The following PPP2R2C variants were observed in gnomAD, a reference collection of about 807,000 sequenced individuals.
PPP2R2C encodes protein phosphatase 2 regulatory subunit Bgamma.
In PPP2R2C, 10 loss-of-function variants were observed where a neutral mutation model predicts 45.3. The observed-to-expected ratio is 0.22, with a 90% CI of 0.14 to 0.37. The LOEUF (loss-of-function observed/expected upper bound fraction) is 0.37, where lower values mean the gene tolerates loss of function less well. Ranked by LOEUF, PPP2R2C falls within the 10% of genes least tolerant of loss-of-function variation. The pLI, the probability that PPP2R2C is intolerant of heterozygous loss-of-function variation, is 1.00. For missense variants in PPP2R2C, 308 were observed against 619.7 expected, an observed-to-expected ratio of 0.50 and a Z score of 5.34; for synonymous variants, 257 against 245.4, an observed-to-expected ratio of 1.05 and a Z score of -0.44.
chr4:6,507,796 A>G (rs983878861), intron 2 of PPP2R2C, among the ~76,000 whole-genome samples: 2 of 152,246 alleles, frequency 1.3e-5, no homozygotes, highest in African/African-American at 4.8e-5. Context: ...TCATGTCTTC[A>G]CTAAACCAGT....
chr4:6,346,891 C>G (rs1219561765), intron 6 of PPP2R2C, among the ~76,000 whole-genome samples: 1 of 152,214 alleles, frequency 6.6e-6, no homozygotes, highest in Non-Finnish European at 1.5e-5. Context: ...TTTCCAGACA[C>G]TGTGGTAGGT....
intron 1 of PPP2R2C, chr4:6,383,499 G>A (rs1716004699): frequency 8.7e-7 from 1 of 1,150,630 alleles, no homozygotes; most frequent in Non-Finnish European, 1.2e-6. Flanking sequence ...GCCACCTGCT[G>A]TCCCAAGACC....
At chr4:6,427,059 G>A (rs996975640) in intron 1 of PPP2R2C, among the ~76,000 whole-genome samples, 4 of 152,212 alleles carry the variant, frequency 2.6e-5, no homozygotes, top group Admixed American at 2.6e-4. Context: ...CCCAAGAAGA[G>A]AATATCTGAC....
chr4:6,429,972 A>C (rs1719530237), intron 1 of PPP2R2C, among the ~76,000 whole-genome samples: 1 of 152,084 alleles, frequency 6.6e-6, no homozygotes, highest in South Asian at 2.1e-4. Flanking sequence ...ACCTTGCCCA[A>C]CGTCACACAG....
intron 1 of PPP2R2C, among the ~76,000 whole-genome samples, chr4:6,405,111 G>C (rs115654997): frequency 1.3e-5 from 2 of 152,228 alleles, no homozygotes; most frequent in Non-Finnish European, 2.9e-5. Flanking sequence ...CCCTGTGCCC[G>C]ACAGTGTGTG....
At chr4:6,413,907 G>C (rs962564555) in intron 1 of PPP2R2C, 19 of 1,536,060 alleles carry the variant, frequency 1.2e-5, no homozygotes, top group Non-Finnish European at 1.7e-5. Flanking sequence ...GCTCACCCGT[G>C]TCTCTCTTTC....
At chr4:6,473,363 A>G (rs375517508), upstream of PPP2R2C, among the ~76,000 whole-genome samples, 37 of 152,040 alleles carry the variant, frequency 2.4e-4, 1 homozygote, top group African/African-American at 8.4e-4. Context: ...CCTGGCACAT[A>G]GTGGGCCCTC....
intron 5 of PPP2R2C, among the ~76,000 whole-genome samples, chr4:6,363,138 A>G (rs1560481975): frequency 1.3e-5 from 2 of 152,146 alleles, no homozygotes; most frequent in South Asian, 4.1e-4. Flanking sequence ...GGCACGCAGG[A>G]AGCCCTCAGT....
intron 5 of PPP2R2C, among the ~76,000 whole-genome samples, chr4:6,355,104 G>A (rs1243834803): frequency 6.6e-6 from 1 of 152,222 alleles, no homozygotes; most frequent in Non-Finnish European, 1.5e-5. Context: ...TGGCCTGTTT[G>A]TTGCTATCTG....
In PPP2R2C at chr4:6,466,851, C is replaced by T. The variant is rs138073579; in HGVS notation, c.70+5309G>A. ...TGAGAAAAACCGTGCTCTGTGACTG[C>T]GCCAAGCTTTAAGTTCGGGTTGATT... On this transcript the variant is annotated intron_variant, in intron 1 of 8. Transcript: ENST00000382599. Among the ~76,000 whole-genome samples the T allele has an allele frequency of 1.2e-4, 19 of 152,286 alleles. No homozygotes were observed. In the East Asian group the frequency reaches 2.7e-3, roughly 22 times the overall value.
At chr4:6,503,751 C>T (rs1723132220) in intron 2 of PPP2R2C, among the ~76,000 whole-genome samples, 1 of 148,764 alleles carries the variant, frequency 6.7e-6, no homozygotes. Flanking sequence ...AAAGAATGGA[C>T]AAGTACACTG....
chr4:6,392,757 G>A (rs894691293), intron 1 of PPP2R2C, among the ~76,000 whole-genome samples: 1 of 152,190 alleles, frequency 6.6e-6, no homozygotes, highest in African/African-American at 2.4e-5. Context: ...TCTGACTTAG[G>A]TTCAATGACC....
chr4:6,343,922 G>C (rs1425967197), intron 6 of PPP2R2C, among the ~76,000 whole-genome samples: 1 of 152,224 alleles, frequency 6.6e-6, no homozygotes, highest in Non-Finnish European at 1.5e-5. Context: ...ACCTATGACT[G>C]TGTGTGCAAA....
intron 8 of PPP2R2C, among the ~76,000 whole-genome samples, chr4:6,325,491 C>G (rs1427231470): frequency 2.6e-5 from 4 of 152,152 alleles, no homozygotes; most frequent in Non-Finnish European, 5.9e-5. Context: ...GGGGAGGCAG[C>G]CCCCTTTGTT....
At chr4:6,562,390 G>A (rs1433665755) in intron 1 of PPP2R2C, among the ~76,000 whole-genome samples, 3 of 151,820 alleles carry the variant, frequency 2.0e-5, no homozygotes, top group Non-Finnish European at 4.4e-5. Context: ...GTGTGGCCTC[G>A]GGCAAGTTAC....
intron 1 of PPP2R2C, among the ~76,000 whole-genome samples, chr4:6,537,876 C>A (rs941238306): frequency 2.0e-5 from 3 of 152,034 alleles, no homozygotes; most frequent in Non-Finnish European, 4.4e-5. Context: ...ATAAAATAAA[C>A]CAGTCGCAAA....
At chr4:6,382,669 TCTCTCTCACACA>T (rs1347636823) in intron 1 of PPP2R2C, 38 of 173,250 alleles carry the variant, frequency 2.2e-4, no homozygotes, top group Middle Eastern at 1.5e-3. Context: ...TCTCTCTCTC[TCTCTCTCACACA>T]CACACACACA....
chr4:6,346,569 C>A (rs779351740), intron 6 of PPP2R2C, among the ~76,000 whole-genome samples: 1 of 152,318 alleles, frequency 6.6e-6, no homozygotes, highest in East Asian at 1.9e-4. Context: ...CTCTGCTGCA[C>A]ACCCATGCCA....
chr4:6,507,748 C>T, intron 2 of PPP2R2C, among the ~76,000 whole-genome samples: 1 of 152,224 alleles, frequency 6.6e-6, no homozygotes, highest in East Asian at 1.9e-4. Flanking sequence ...ACAGCAATAG[C>T]TAACTAATAC....
Sources: gnomAD v4.1 joint callset for allele counts (sites outside exome capture counted in the v4.1 genomes callset) on GRCh38, gnomAD v4.1.1 for gene constraint, MANE v1.5 for transcripts, NCBI Gene and HGNC (gene_info 2026-07-23, HGNC 2026-07-21) for gene names.